UBE2H: variants seen among roughly 807,000 people sequenced by gnomAD.
UBE2H encodes the protein ubiquitin-conjugating enzyme E2 H.
UBE2H carries 3 observed loss-of-function variants against 29.0 expected under a neutral mutation model. The ratio of observed to expected loss-of-function variants is 0.10; its 90% confidence interval spans 0.05 to 0.27. The LOEUF is 0.27. Ranked by LOEUF, UBE2H falls within the 10% of genes least tolerant of loss-of-function variation. The pLI, the probability that UBE2H is intolerant of heterozygous loss-of-function variation, is 1.00. For missense variants in UBE2H, 68 were observed against 228.2 expected, an observed-to-expected ratio of 0.30 and a Z score of 4.52; for synonymous variants, 69 against 82.9, an observed-to-expected ratio of 0.83 and a Z score of 0.91.
At chr7:129,944,759 C>T (rs1354335025) in intron 1 of UBE2H, among the ~76,000 whole-genome samples, 4 of 151,844 alleles carry the variant, frequency 2.6e-5, no homozygotes, top group South Asian at 2.1e-4. Flanking sequence ...CACGCACGCA[C>T]GCACGCGCAT....
intron 3 of UBE2H, among the ~76,000 whole-genome samples, chr7:129,864,354 A>G (rs1200643023): frequency 6.6e-6 from 1 of 152,192 alleles, no homozygotes; most frequent in Non-Finnish European, 1.5e-5. Flanking sequence ...CAATGCTATC[A>G]TCACATTAAT....
At chr7:129,930,718 C>T (rs1807372445) in intron 1 of UBE2H, among the ~76,000 whole-genome samples, 1 of 148,546 alleles carries the variant, frequency 6.7e-6, no homozygotes, top group East Asian at 2.0e-4. Flanking sequence ...ACCATCCTGG[C>T]TAACACGGTG....
intron 6 of UBE2H, among the ~76,000 whole-genome samples, chr7:129,837,928 C>T (rs1015639959): frequency 3.3e-5 from 5 of 152,158 alleles, no homozygotes; most frequent in African/African-American, 1.2e-4. Flanking sequence ...CTATAGCAGA[C>T]ATGTACTGAA....
chr7:129,843,185 G>A (rs1051666180), intron 5 of UBE2H, among the ~76,000 whole-genome samples: 1 of 151,908 alleles, frequency 6.6e-6, no homozygotes, highest in Non-Finnish European at 1.5e-5. Context: ...ATTTTTAGCA[G>A]AGAAGGGGTT....
chr7:129,856,750 C>T (rs1563023789), intron 5 of UBE2H, among the ~76,000 whole-genome samples: 1 of 152,170 alleles, frequency 6.6e-6, no homozygotes, highest in Non-Finnish European at 1.5e-5. Context: ...GGTCCATTCA[C>T]ATGTGGTTTT....
intron 1 of UBE2H, among the ~76,000 whole-genome samples, chr7:129,923,062 A>G (rs545936654): frequency 4.3e-4 from 66 of 152,016 alleles, no homozygotes; most frequent in Admixed American, 9.8e-4. Flanking sequence ...CACCAAGCCC[A>G]GCTAATTTTT....
chr7:129,865,301 C>T (rs3807120), intron 3 of UBE2H, among the ~76,000 whole-genome samples: 37,366 of 151,938 alleles, frequency 0.25, 5,106 homozygotes, highest in Admixed American at 0.35. Context: ...TGTGTCCAGT[C>T]CCAGGAAGGG....
chr7:129,839,388 T>C, intron 5 of UBE2H, 53 bp from the exon 6 acceptor site: 1 of 1,606,330 alleles, frequency 6.2e-7, no homozygotes, highest in Middle Eastern at 1.7e-4. Context: ...TCACCTAAAA[T>C]TCACTTGCAT....
rs6962972 is a variant in UBE2H, at chr7:129,937,789, G to A, written c.53+14714C>T. ...ATCTTTATAGATAAAAATGAATAGA[G>A]TGACAAAATACATCATTTGTTTTTT... is the stretch of plus-strand genomic sequence containing the variant. On this transcript the variant is annotated intron_variant, in intron 1 of 6. Transcript: ENST00000355621. 4.5e-3 allele frequency among the ~76,000 whole-genome samples: 678 copies of A among 152,268 alleles called. 5 individuals are homozygous for A. Among genetic ancestry groups the A allele is most frequent in the African/African-American group, 0.015 (605 of 41,564 alleles).
intron 4 of UBE2H, among the ~76,000 whole-genome samples, chr7:129,858,480 A>G (rs543900506): frequency 6.6e-6 from 1 of 152,354 alleles, no homozygotes; most frequent in East Asian, 1.9e-4. Context: ...GAAGGAAAGA[A>G]GGGGATAAAT....
At chr7:129,886,767 T>TA (rs79067201) in intron 1 of UBE2H, among the ~76,000 whole-genome samples, 14,484 of 71,940 alleles carry the variant, frequency 0.2, 1,807 homozygotes, top group Non-Finnish European at 0.28. Context: ...TGTTTTTTGG[T>TA]AAAAAAAAAA....
intron 1 of UBE2H, among the ~76,000 whole-genome samples, chr7:129,883,399 T>C (rs1806293632): frequency 6.6e-6 from 1 of 152,230 alleles, no homozygotes; most frequent in Non-Finnish European, 1.5e-5. Context: ...CCAATACATA[T>C]GGATAGTTAC....
At chr7:129,869,535 CTCA>C (rs1325352498) in intron 3 of UBE2H, among the ~76,000 whole-genome samples, 1 of 152,186 alleles carries the variant, frequency 6.6e-6, no homozygotes, top group African/African-American at 2.4e-5. Flanking sequence ...CATCACCATC[CTCA>C]CTCTCAAGCA....
At chr7:129,874,519 C>T (rs1228889724) in intron 3 of UBE2H, among the ~76,000 whole-genome samples, 1 of 152,102 alleles carries the variant, frequency 6.6e-6, no homozygotes, top group Non-Finnish European at 1.5e-5. Flanking sequence ...CTGTGTTAGC[C>T]AGGATGGTCT....
At position 129,832,193 on chromosome 7, in the gene UBE2H, C is replaced by G. The variant is rs1334040625; in HGVS notation, c.*2744G>C. ...ATCTTTCTGTACCTGTGTGTTTGGG[C>G]TCCTACTCCCACCTCTCCCAGGCGC... On this transcript the variant is annotated 3_prime_UTR_variant, in exon 7 of 7. Coordinates refer to ENST00000355621, the MANE Select transcript of UBE2H (RefSeq NM_003344.4). The G allele has an allele frequency of 1.3e-5, 2 of 152,182 alleles. No homozygotes were observed. The highest frequency in any genetic ancestry group is 4.8e-5 in the African/African-American group (2 of 41,414). 9.4% of individuals were successfully genotyped at this position (152,182 alleles called of 1,614,324 possible). A position where few individuals can be genotyped will look rare whatever the true frequency, so the allele number is the denominator to read the frequency against.
At chr7:129,836,879 C>CAAAAAAAAAAGAA (rs1805337325) in intron 6 of UBE2H, among the ~76,000 whole-genome samples, 1 of 73,756 alleles carries the variant, frequency 1.4e-5, no homozygotes, top group African/African-American at 5.0e-5. Flanking sequence ...GACTCCGTCT[C>CAAAAAAAAAAGAA]AAAAAAAAAA....
At chr7:129,896,766 C>T (rs1806609161) in intron 1 of UBE2H, among the ~76,000 whole-genome samples, 1 of 152,134 alleles carries the variant, frequency 6.6e-6, no homozygotes, top group East Asian at 1.9e-4. Flanking sequence ...GACTGCAATG[C>T]CACTCAATGA....
chr7:129,835,836 A>G (rs567986560), intron 6 of UBE2H, among the ~76,000 whole-genome samples: 1 of 152,370 alleles, frequency 6.6e-6, no homozygotes, highest in East Asian at 1.9e-4. Context: ...AATGCAAGCC[A>G]CACAAAAACA....
chr7:129,898,753 C>T (rs1806648897), intron 1 of UBE2H, among the ~76,000 whole-genome samples: 1 of 151,624 alleles, frequency 6.6e-6, no homozygotes, highest in Admixed American at 6.6e-5. Context: ...TCCTGAAAGA[C>T]ACAAGAGCAC....
Sources: gnomAD v4.1 joint callset for allele counts (sites outside exome capture counted in the v4.1 genomes callset) on GRCh38, gnomAD v4.1.1 for gene constraint, MANE v1.5 for transcripts, NCBI Gene and HGNC (gene_info 2026-07-23, HGNC 2026-07-21) for gene names.